Variants in JPT2 observed in about 807,000 individuals in gnomAD.
The protein encoded by JPT2 is Jupiter microtubule associated homolog 2, also known as CRAMP_1 like.
Under a neutral mutation model 15.9 loss-of-function variants are expected in JPT2, and 9 were observed. That is an observed-to-expected ratio of 0.57 (90% CI 0.34 to 0.99). The LOEUF (loss-of-function observed/expected upper bound fraction) is 0.99, where lower values mean the gene tolerates loss of function less well. Among genes scored for constraint, JPT2 ranks in the 50% least tolerant of loss-of-function variants. The pLI is 0.02. For synonymous variants in JPT2, 95 were observed against 91.7 expected, an observed-to-expected ratio of 1.04 and a Z score of -0.21; for missense variants, 267 against 252.1, an observed-to-expected ratio of 1.06 and a Z score of -0.40.
At chr16:1,694,882 G>T (rs1472853494) in intron 3 of JPT2, among the ~76,000 whole-genome samples, 1 of 152,166 alleles carries the variant, frequency 6.6e-6, no homozygotes, top group Non-Finnish European at 1.5e-5. Context: ...AAAATTCTTA[G>T]AAGAAAATAT....
Position 1,699,567 on chromosome 16 carries a change from A to G in JPT2, c.*569A>G, listed in dbSNP as rs1901761496. On this transcript the variant is annotated 3_prime_UTR_variant, in exon 5 of 5. Transcript: ENST00000248098. ...GCAGCTTTCAAAAAACCAAATAATA[A>G]TAGTTATCCGTCTTCTACTTCATGG... The G allele has an allele frequency of 3.1e-6, 1 of 325,962 alleles. No individual in the cohort carries two copies. Among genetic ancestry groups the G allele is most frequent in the African/African-American group, 2.2e-5 (1 of 46,408 alleles). The allele number at this position is 325,962 out of a possible 1,614,324, so 20.2% of individuals were successfully genotyped here.
intron 1 of JPT2, among the ~76,000 whole-genome samples, chr16:1,681,681 C>T (rs1002040881): frequency 3.9e-5 from 6 of 152,314 alleles, no homozygotes; most frequent in African/African-American, 1.2e-4. Context: ...GAAGCTCCTC[C>T]GGGGTAAGGA....
chr16:1,680,649 C>A (rs965607042), intron 1 of JPT2: 3 of 296,260 alleles, frequency 1.0e-5, no homozygotes, highest in Non-Finnish European at 1.6e-5. Flanking sequence ...GATTACCTAG[C>A]CAGGTTTTCC....
intron 1 of JPT2, among the ~76,000 whole-genome samples, chr16:1,683,178 G>A (rs1429380379): frequency 6.6e-6 from 1 of 151,916 alleles, no homozygotes; most frequent in African/African-American, 2.4e-5. Context: ...GGATTTCACC[G>A]TGTTAGCCAG....
chr16:1,685,760 A>G, intron 2 of JPT2, 173 bp downstream of exon 2: 2 of 677,208 alleles, frequency 3.0e-6, no homozygotes, highest in East Asian at 3.0e-5. Flanking sequence ...CTTGAAGGTG[A>G]CTTGAGTAGT....
intron 3 of JPT2, 135 bp downstream of exon 3, chr16:1,692,120 A>G (rs2037107758): frequency 1.7e-6 from 2 of 1,172,406 alleles, no homozygotes; most frequent in East Asian, 4.9e-5. Context: ...GGATGCAAGC[A>G]TTAGTCATCG....
chr16:1,695,212 C>A (rs1799407473), intron 3 of JPT2, among the ~76,000 whole-genome samples: 1 of 152,078 alleles, frequency 6.6e-6, no homozygotes, highest in African/African-American at 2.4e-5. Flanking sequence ...TCGAGACCAG[C>A]CTGACCAACA....
intron 2 of JPT2, 83 bp downstream of exon 2, chr16:1,685,670 T>C (rs34148924): frequency 0.083 from 116,390 of 1,396,206 alleles, 5,910 homozygotes; most frequent in African/African-American, 0.24. Context: ...TACTGATCCT[T>C]TCCCATATTG....
Position 1,700,090 on chromosome 16 carries a change from C to G in JPT2, c.*1092C>G. 2.2e-6 allele frequency: 1 copy of G among 453,076 alleles called. No homozygotes were observed. Among genetic ancestry groups the G allele is most frequent in the Non-Finnish European group, 4.5e-6 (1 of 224,464 alleles). The allele number at this position is 453,076 out of a possible 1,614,324, so 28.1% of individuals were successfully genotyped here. On this transcript the variant is annotated 3_prime_UTR_variant, in exon 5 of 5. Transcript: ENST00000248098. ...CCTTTCCAGAAAAAAGTCAATTGTT[C>G]AGGTACACCAAAGAGGAAGAAGAGC...
rs1392740753 is a variant in JPT2, at chr16:1,701,567, A to G, written c.*2569A>G. On this transcript the variant is annotated 3_prime_UTR_variant, in exon 5 of 5. Transcript: ENST00000248098. ...TTAGTCTTCTCAAAGCTTTGAGTAG[A>G]GTAAGTGTGGGAATAAGCCAGTTTT... is the stretch of plus-strand genomic sequence containing the variant. The G allele has an allele frequency of 6.6e-6, 1 of 152,022 alleles. No homozygotes were observed. Among genetic ancestry groups the G allele is most frequent in the Non-Finnish European group, 1.5e-5 (1 of 68,074 alleles). The allele number at this position is 152,022 out of a possible 1,614,324, so 9.4% of individuals were successfully genotyped here.
At chr16:1,685,748 C>T in intron 2 of JPT2, 161 bp downstream of exon 2, 1 of 765,626 alleles carries the variant, frequency 1.3e-6, no homozygotes, top group Non-Finnish European at 2.0e-6. Flanking sequence ...TGTACTTTCT[C>T]TCTTGAAGGT....
intron 3 of JPT2, among the ~76,000 whole-genome samples, chr16:1,697,514 CAAA>C (rs111429583): frequency 1.7e-5 from 2 of 115,810 alleles, no homozygotes; most frequent in African/African-American, 3.1e-5. Flanking sequence ...CTCTTGTCTC[CAAA>C]AAAAAAAAAA....
intron 3 of JPT2, among the ~76,000 whole-genome samples, chr16:1,695,775 T>C (rs1273223296): frequency 1.4e-5 from 2 of 147,634 alleles, no homozygotes; most frequent in Non-Finnish European, 3.0e-5. Context: ...GGAGGCTGAG[T>C]TGGGAGGATC....
At chr16:1,691,751 A>C in intron 2 of JPT2, 92 bp from the exon 3 acceptor site, 1 of 1,449,940 alleles carries the variant, frequency 6.9e-7, no homozygotes. Flanking sequence ...CGGGGTTCCT[A>C]TGAGAGGAGG....
chr16:1,681,878 C>T (rs1045913727), intron 1 of JPT2, among the ~76,000 whole-genome samples: 1 of 152,176 alleles, frequency 6.6e-6, no homozygotes, highest in East Asian at 1.9e-4. Flanking sequence ...GGAATCAGAT[C>T]TGACAGTTTG....
chr16:1,693,883 A>G (rs1201918170), intron 3 of JPT2, among the ~76,000 whole-genome samples: 2 of 152,006 alleles, frequency 1.3e-5, no homozygotes, highest in East Asian at 3.9e-4. Flanking sequence ...GGACCATTTG[A>G]TTATCAAAAA....
chr16:1,695,179 G>T (rs1735517954), intron 3 of JPT2, among the ~76,000 whole-genome samples: 1 of 152,158 alleles, frequency 6.6e-6, no homozygotes, highest in African/African-American at 2.4e-5. Flanking sequence ...GCCGAGGCAG[G>T]CGGATCACCT....
chr16:1,678,926 T>C (rs1729448552), intron 1 of JPT2, among the ~76,000 whole-genome samples: 1 of 152,198 alleles, frequency 6.6e-6, no homozygotes, highest in Non-Finnish European at 1.5e-5. Flanking sequence ...GTGAGTCCAC[T>C]TCCTTTGGAA....
intron 1 of JPT2, among the ~76,000 whole-genome samples, chr16:1,679,274 T>C (rs950711112): frequency 6.6e-6 from 1 of 152,236 alleles, no homozygotes; most frequent in Non-Finnish European, 1.5e-5. Flanking sequence ...GAAGAGAATA[T>C]GTGTGCCATG....
Sources: gnomAD v4.1 joint callset for allele counts (sites outside exome capture counted in the v4.1 genomes callset) on GRCh38, gnomAD v4.1.1 for gene constraint, MANE v1.5 for transcripts, NCBI Gene and HGNC (gene_info 2026-07-23, HGNC 2026-07-21) for gene names.